The following RUNX1 variants were observed in gnomAD, a reference collection of about 807,000 sequenced individuals.
RUNX1 encodes the protein RUNX family transcription factor 1.
In RUNX1, 19 loss-of-function variants were observed where a neutral mutation model predicts 42.8. The observed-to-expected ratio is 0.44, with a 90% CI of 0.31 to 0.65. The LOEUF is 0.65. Among genes scored for constraint, RUNX1 ranks in the 30% least tolerant of loss-of-function variants. RUNX1 has a pLI of 0.07. For missense variants in RUNX1, 528 were observed against 672.0 expected, an observed-to-expected ratio of 0.79 and a Z score of 2.37; for synonymous variants, 271 against 289.4, an observed-to-expected ratio of 0.94 and a Z score of 0.64.
At chr21:34,867,362 C>G (rs1018938311) in intron 5 of RUNX1, among the ~76,000 whole-genome samples, 2 of 152,226 alleles carry the variant, frequency 1.3e-5, no homozygotes, top group Non-Finnish European at 2.9e-5. Context: ...ATCACTTGAA[C>G]CCAGGAGGCG....
At chr21:34,811,697 T>C (rs907678375) in intron 7 of RUNX1, among the ~76,000 whole-genome samples, 2 of 152,170 alleles carry the variant, frequency 1.3e-5, no homozygotes, top group Non-Finnish European at 2.9e-5. Flanking sequence ...GAGATAATGA[T>C]AGATCCAGGA....
At chr21:34,881,008 T>C (rs2057896671) in intron 4 of RUNX1, among the ~76,000 whole-genome samples, 1 of 152,180 alleles carries the variant, frequency 6.6e-6, no homozygotes, top group African/African-American at 2.4e-5. Context: ...TATATGTAAA[T>C]TTTCAAATAG....
At chr21:34,904,823 C>G (rs955110167) in intron 2 of RUNX1, among the ~76,000 whole-genome samples, 1 of 152,116 alleles carries the variant, frequency 6.6e-6, no homozygotes, top group African/African-American at 2.4e-5. Context: ...GTCAACTTCT[C>G]GGTTTAGGAA....
intron 2 of RUNX1, among the ~76,000 whole-genome samples, chr21:34,909,496 T>A (rs2058253762): frequency 6.7e-6 from 1 of 149,692 alleles, no homozygotes; most frequent in African/African-American, 2.5e-5. Context: ...ACTCCTTCCT[T>A]CTCTGGGCAC....
intron 7 of RUNX1, among the ~76,000 whole-genome samples, chr21:34,805,574 G>GA (rs1302232465): frequency 6.6e-6 from 1 of 152,170 alleles, no homozygotes; most frequent in Non-Finnish European, 1.5e-5. Flanking sequence ...GAGAATACAT[G>GA]AAGTGTTGCA....
chr21:34,859,272 T>C (rs1287221548), intron 6 of RUNX1: 1 of 611,406 alleles, frequency 1.6e-6, no homozygotes, highest in African/African-American at 1.9e-5. Context: ...TCTAAAAGGA[T>C]GCTTCAAAAA....
At chr21:34,924,334 G>C (rs2058376801) in intron 2 of RUNX1, among the ~76,000 whole-genome samples, 1 of 152,210 alleles carries the variant, frequency 6.6e-6, no homozygotes, top group South Asian at 2.1e-4. Context: ...CTTTCCTTAA[G>C]GTACAACAGG....
chr21:34,864,188 C>G (rs1348006358), intron 5 of RUNX1, among the ~76,000 whole-genome samples: 1 of 152,218 alleles, frequency 6.6e-6, no homozygotes, highest in East Asian at 1.9e-4. Flanking sequence ...CCCTTCTTGG[C>G]CAGCATCTGC....
intron 2 of RUNX1, among the ~76,000 whole-genome samples, chr21:34,999,407 G>A (rs532393681): frequency 6.6e-6 from 1 of 152,318 alleles, no homozygotes; most frequent in African/African-American, 2.4e-5. Flanking sequence ...TCAAGGTCAT[G>A]GAGCCCCCAC....
intron 2 of RUNX1, among the ~76,000 whole-genome samples, chr21:34,930,736 C>A (rs1193998508): frequency 6.6e-6 from 1 of 152,040 alleles, no homozygotes; most frequent in Non-Finnish European, 1.5e-5. Context: ...CACACACACA[C>A]ACACACACTC....
intron 6 of RUNX1, among the ~76,000 whole-genome samples, chr21:34,852,377 C>A (rs927876516): frequency 1.3e-4 from 20 of 152,122 alleles, no homozygotes; most frequent in Admixed American, 1.2e-3. Context: ...GGGGCCCTTT[C>A]AGACCTTAAC....
intron 5 of RUNX1, among the ~76,000 whole-genome samples, chr21:34,866,467 C>T (rs976939612): frequency 4.6e-5 from 7 of 152,266 alleles, no homozygotes; most frequent in Admixed American, 4.6e-4. Context: ...TTGCGGATAA[C>T]TAAGTATAAA....
At chr21:34,938,558 T>C (rs1158738155) in intron 2 of RUNX1, among the ~76,000 whole-genome samples, 1 of 152,062 alleles carries the variant, frequency 6.6e-6, no homozygotes, top group Admixed American at 6.6e-5. Flanking sequence ...CCTCCCTCTC[T>C]TCCTTCTCCT....
At chr21:34,930,270 G>GTATATATATATATA (rs1555906427) in intron 2 of RUNX1, among the ~76,000 whole-genome samples, 66 of 123,006 alleles carry the variant, frequency 5.4e-4, no homozygotes, top group African/African-American at 2.3e-3. Context: ...GTGTGTGTAT[G>GTATATATATATATA]TATATATATA....
intron 2 of RUNX1, among the ~76,000 whole-genome samples, chr21:34,976,729 C>T (rs2058804690): frequency 1.3e-5 from 2 of 152,180 alleles, no homozygotes; most frequent in African/African-American, 4.8e-5. Context: ...CTGGGGAAGA[C>T]AATATTGCTA....
intron 2 of RUNX1, among the ~76,000 whole-genome samples, chr21:35,002,341 G>A (rs1338826744): frequency 6.6e-6 from 1 of 150,708 alleles, no homozygotes. Context: ...TTTGTCTTAT[G>A]CTTTTCCATT....
At chr21:34,917,461 C>T (rs2058320285) in intron 2 of RUNX1, among the ~76,000 whole-genome samples, 1 of 152,170 alleles carries the variant, frequency 6.6e-6, no homozygotes, top group African/African-American at 2.4e-5. Context: ...CATTAGCATT[C>T]TACATCCTAC....
intron 2 of RUNX1, among the ~76,000 whole-genome samples, chr21:34,993,722 CACACACACAG>C (rs1165427199): frequency 8.8e-5 from 12 of 135,678 alleles, no homozygotes; most frequent in African/African-American, 3.6e-4. Flanking sequence ...CACACAGGCA[CACACACACAG>C]ACACACAGAG....
intron 2 of RUNX1, among the ~76,000 whole-genome samples, chr21:34,927,448 G>A (rs2058404470): frequency 6.6e-6 from 1 of 152,150 alleles, no homozygotes; most frequent in Admixed American, 6.6e-5. Flanking sequence ...GCTTTGTCTT[G>A]GACAGATGTT....
Sources: gnomAD v4.1 joint callset for allele counts (sites outside exome capture counted in the v4.1 genomes callset) on GRCh38, gnomAD v4.1.1 for gene constraint, MANE v1.5 for transcripts, NCBI Gene and HGNC (gene_info 2026-07-23, HGNC 2026-07-21) for gene names.